Variants in KCTD16 observed in about 807,000 individuals in gnomAD.
KCTD16 encodes the protein potassium channel tetramerization domain containing 16.
KCTD16 carries 13 observed loss-of-function variants against 33.2 expected under a neutral mutation model. That is an observed-to-expected ratio of 0.39 (90% confidence interval 0.25 to 0.62). The LOEUF is 0.62. Among genes scored for constraint, KCTD16 ranks in the 20% least tolerant of loss-of-function variants. KCTD16 has a pLI of 0.50. For missense variants in KCTD16, 441 were observed against 525.1 expected (o/e 0.84, Z 1.57); for synonymous variants, 197 against 195.3 (o/e 1.01, Z -0.07).
chr5:144,296,065 AG>A, intron 3 of KCTD16, among the ~76,000 whole-genome samples: 1 of 152,342 alleles, frequency 6.6e-6, no homozygotes, highest in South Asian at 2.1e-4. Context: ...AAACTAACAT[AG>A]GGACAAACTC....
chr5:144,228,273 A>C (rs1753994949), intron 3 of KCTD16, among the ~76,000 whole-genome samples: 1 of 152,174 alleles, frequency 6.6e-6, no homozygotes, highest in Non-Finnish European at 1.5e-5. Flanking sequence ...TAGGAAGAGA[A>C]CCAGGAAAGT....
At chr5:144,177,277 T>C (rs1259804031) in intron 2 of KCTD16, among the ~76,000 whole-genome samples, 1 of 152,208 alleles carries the variant, frequency 6.6e-6, no homozygotes, top group Non-Finnish European at 1.5e-5. Flanking sequence ...GCAGAAATTA[T>C]TGGTAAGAAG....
chr5:144,294,564 G>A (rs775721208), intron 3 of KCTD16, among the ~76,000 whole-genome samples: 1 of 152,004 alleles, frequency 6.6e-6, no homozygotes, highest in Non-Finnish European at 1.5e-5. Flanking sequence ...CATAGTTTGT[G>A]TATCCATCAG....
At chr5:144,190,923 A>T (rs999830933) in intron 2 of KCTD16, among the ~76,000 whole-genome samples, 2 of 152,166 alleles carry the variant, frequency 1.3e-5, no homozygotes, top group Non-Finnish European at 2.9e-5. Context: ...ATGGGCACTC[A>T]CAGACACACA....
chr5:144,182,008 C>T (rs1480131454), intron 2 of KCTD16, among the ~76,000 whole-genome samples: 2 of 151,176 alleles, frequency 1.3e-5, no homozygotes, highest in African/African-American at 4.9e-5. Flanking sequence ...TAGCTTGAAC[C>T]TGGGAGGTGG....
intron 2 of KCTD16, among the ~76,000 whole-genome samples, chr5:144,189,641 T>A (rs1161615425): frequency 6.6e-6 from 1 of 152,158 alleles, no homozygotes; most frequent in Non-Finnish European, 1.5e-5. Context: ...TCGTGCTAGG[T>A]AATAAGGACC....
chr5:144,299,847 A>G (rs1318823888), intron 3 of KCTD16, among the ~76,000 whole-genome samples: 1 of 151,402 alleles, frequency 6.6e-6, no homozygotes, highest in African/African-American at 2.4e-5. Context: ...CTCATTGTCC[A>G]GGACCAAAGC....
Position 144,480,859 on chromosome 5 carries a change from T to A in KCTD16, c.*6745T>A, listed in dbSNP as rs1215586495. The A allele has an allele frequency of 2.0e-5, 3 of 151,964 alleles. No individual in the cohort carries two copies. Among genetic ancestry groups the A allele is most frequent in the Admixed American group, 2.0e-4 (3 of 15,220 alleles). The allele number at this position is 151,964 out of a possible 1,614,324, so 9.4% of individuals were successfully genotyped here. A position where few individuals can be genotyped will look rare whatever the true frequency, so the allele number is the denominator to read the frequency against. On this transcript the variant is annotated 3_prime_UTR_variant, in exon 4 of 4. Transcript: ENST00000512467. ...TGAGTTTAAATTTGTCAAGGCATTT[T>A]TTTTTCTGTACCATATACGGGAAGT...
chr5:144,442,990 G>T (rs992738013), intron 3 of KCTD16, among the ~76,000 whole-genome samples: 3 of 152,072 alleles, frequency 2.0e-5, no homozygotes, highest in Admixed American at 1.3e-4. Context: ...TTTTCAGCCT[G>T]TTATGGTTTG....
intron 3 of KCTD16, among the ~76,000 whole-genome samples, chr5:144,225,950 T>G (rs1357243826): frequency 6.6e-6 from 1 of 152,352 alleles, no homozygotes; most frequent in East Asian, 1.9e-4. Flanking sequence ...AAAGAAAAAC[T>G]TATTCTTTAT....
chr5:144,326,030 G>C (rs1389968636), intron 3 of KCTD16, among the ~76,000 whole-genome samples: 4 of 152,158 alleles, frequency 2.6e-5, no homozygotes, highest in Non-Finnish European at 4.4e-5. Flanking sequence ...AGTGGACTCA[G>C]TAAAAGGTAT....
intron 3 of KCTD16, among the ~76,000 whole-genome samples, chr5:144,403,178 C>A (rs1752740439): frequency 6.6e-6 from 1 of 152,204 alleles, no homozygotes; most frequent in African/African-American, 2.4e-5. Context: ...TTAATCACAT[C>A]TGAAAAGTCC....
intron 3 of KCTD16, among the ~76,000 whole-genome samples, chr5:144,215,487 A>G (rs1014479917): frequency 6.6e-6 from 1 of 152,232 alleles, no homozygotes; most frequent in Non-Finnish European, 1.5e-5. Flanking sequence ...CAGAGGCAGC[A>G]TAACATAGTG....
chr5:144,233,915 A>G (rs1754176202), intron 3 of KCTD16, among the ~76,000 whole-genome samples: 2 of 152,140 alleles, frequency 1.3e-5, no homozygotes, highest in Non-Finnish European at 2.9e-5. Context: ...TGGGCTATTT[A>G]ATTTCTGCAG....
intron 2 of KCTD16, among the ~76,000 whole-genome samples, chr5:144,175,276 T>G (rs926389215): frequency 1.3e-5 from 2 of 152,210 alleles, no homozygotes; most frequent in Non-Finnish European, 2.9e-5. Flanking sequence ...TTAAACATTA[T>G]TATGGTAGAA....
rs563584204 is a variant in KCTD16, at chr5:144,474,816, T to C, written c.*702T>C. On this transcript the variant is annotated 3_prime_UTR_variant, in exon 4 of 4. Coordinates refer to ENST00000512467, the MANE Select transcript of KCTD16 (RefSeq NM_020768.4). ...TCTTTTGGGAAGATTTCCCAGCCTT[T>C]CTTCACAACACTTTCTAACATCAAA... is the stretch of plus-strand genomic sequence containing the variant. 2.6e-5 allele frequency: 4 copies of C among 152,314 alleles called. No individual in the cohort carries two copies. The Middle Eastern group carries it at 0.014, about 518-fold the overall frequency. The allele number at this position is 152,314 out of a possible 1,614,324, so 9.4% of individuals were successfully genotyped here. A position where few individuals can be genotyped will look rare whatever the true frequency, so the allele number is the denominator to read the frequency against.
chr5:144,399,407 T>C (rs1438666635), intron 3 of KCTD16, among the ~76,000 whole-genome samples: 1 of 152,150 alleles, frequency 6.6e-6, no homozygotes, highest in Non-Finnish European at 1.5e-5. Context: ...GTGATTAGGC[T>C]TCTTTCAGCT....
intron 3 of KCTD16, among the ~76,000 whole-genome samples, chr5:144,418,144 G>A (rs960651720): frequency 1.3e-5 from 2 of 152,170 alleles, no homozygotes; most frequent in African/African-American, 4.8e-5. Context: ...CTGGCTTCAG[G>A]AGTGAAGCTG....
At chr5:144,371,001 A>G (rs893100213) in intron 3 of KCTD16, among the ~76,000 whole-genome samples, 2 of 152,032 alleles carry the variant, frequency 1.3e-5, no homozygotes, top group Non-Finnish European at 2.9e-5. Flanking sequence ...CCATTTCCTC[A>G]TGGATGCCAT....
Sources: gnomAD v4.1 joint callset for allele counts (sites outside exome capture counted in the v4.1 genomes callset) on GRCh38, gnomAD v4.1.1 for gene constraint, MANE v1.5 for transcripts, NCBI Gene and HGNC (gene_info 2026-07-23, HGNC 2026-07-21) for gene names.